ADAMTS12: variants seen among roughly 807,000 people sequenced by gnomAD.
The protein encoded by ADAMTS12 is ADAM metallopeptidase with thrombospondin type 1 motif 12, also known as A disintegrin and metalloproteinase with thrombospondin motifs 12.
A neutral mutation model predicts 167.8 loss-of-function variants in ADAMTS12; 118 were observed. The observed-to-expected ratio is 0.70, with a 90% CI of 0.61 to 0.82. ADAMTS12 has a LOEUF of 0.82. Among genes scored for constraint, ADAMTS12 ranks in the 40% least tolerant of loss-of-function variants. The pLI, the probability that ADAMTS12 is intolerant of heterozygous loss-of-function variation, is 0.00. For synonymous variants in ADAMTS12, 704 were observed against 716.9 expected, an observed-to-expected ratio of 0.98 and a Z score of 0.29; for missense variants, 1,916 against 1,998.8, an observed-to-expected ratio of 0.96 and a Z score of 0.79.
intron 2 of ADAMTS12, among the ~76,000 whole-genome samples, chr5:33,874,742 A>C (rs1308099577): frequency 6.6e-6 from 1 of 152,180 alleles, no homozygotes; most frequent in Non-Finnish European, 1.5e-5. Context: ...AATATTATTC[A>C]GCACTAAAAA....
At chr5:33,739,475 G>C (rs912031861) in intron 3 of ADAMTS12, among the ~76,000 whole-genome samples, 3 of 152,186 alleles carry the variant, frequency 2.0e-5, no homozygotes, top group Non-Finnish European at 4.4e-5. Context: ...ATGTGTATGT[G>C]CATGTGCATG....
At chr5:33,566,809 A>C (rs114059254) in intron 19 of ADAMTS12, among the ~76,000 whole-genome samples, 209 of 152,324 alleles carry the variant, frequency 1.4e-3, no homozygotes, top group Middle Eastern at 3.4e-3. Context: ...CTAGTTCTAG[A>C]CAACGGAATG....
At position 33,848,753 on chromosome 5, in the gene ADAMTS12, T is replaced by C. The variant is rs1392218230; in HGVS notation, c.489+32366A>G. On this transcript the variant is annotated intron_variant, in intron 2 of 23. Transcript: ENST00000504830. ...TTTGAGTGTCTATCACCTAGGGTGA[T>C]TGCAAGTATTAGCACTGAAAAAGAG... Among the ~76,000 whole-genome samples, 7 of 152,272 alleles carry C rather than the reference T, an allele frequency of 4.6e-5. No individual in the cohort carries two copies. The East Asian group carries it at 1.4e-3, about 29-fold the overall frequency.
chr5:33,660,397 C>T (rs1429799999), intron 6 of ADAMTS12, among the ~76,000 whole-genome samples: 1 of 152,150 alleles, frequency 6.6e-6, no homozygotes, highest in Non-Finnish European at 1.5e-5. Context: ...TAATAGTAGC[C>T]AACTACCAGT....
chr5:33,778,465 T>C (rs1247174177), intron 2 of ADAMTS12, among the ~76,000 whole-genome samples: 1 of 150,730 alleles, frequency 6.6e-6, no homozygotes, highest in African/African-American at 2.5e-5. Flanking sequence ...AGACTGGATA[T>C]GCACATTCAG....
At chr5:33,681,440 G>C (rs1742109046) in intron 5 of ADAMTS12, among the ~76,000 whole-genome samples, 1 of 152,172 alleles carries the variant, frequency 6.6e-6, no homozygotes, top group South Asian at 2.1e-4. Context: ...CAGTTGGCTG[G>C]TCCTACCATT....
intron 2 of ADAMTS12, among the ~76,000 whole-genome samples, chr5:33,803,019 T>C (rs1002137071): frequency 1.3e-5 from 2 of 152,064 alleles, no homozygotes; most frequent in Admixed American, 6.6e-5. Flanking sequence ...AATCAGCAAG[T>C]GTCACTGATA....
chr5:33,833,858 G>A (rs939962588), intron 2 of ADAMTS12, among the ~76,000 whole-genome samples: 4 of 152,142 alleles, frequency 2.6e-5, no homozygotes, highest in African/African-American at 7.2e-5. Context: ...ATAAAATGAT[G>A]TAAATTATTA....
At chr5:33,596,618 G>T (rs1482764627) in intron 16 of ADAMTS12, among the ~76,000 whole-genome samples, 2 of 152,156 alleles carry the variant, frequency 1.3e-5, no homozygotes, top group African/African-American at 4.8e-5. Flanking sequence ...GGAGGCGAAG[G>T]TTGCCGTGAG....
In ADAMTS12 at chr5:33,611,926, T is replaced by C. The variant is rs1187446499; in HGVS notation, c.2527+2312A>G. On this transcript the variant is annotated intron_variant, in intron 16 of 23. Transcript: ENST00000504830. Reference sequence around the variant, plus strand: ...AGAAAAGCAAAGTAGCAAAAGTGCATGTGTTAGAGTGGTGACAATTTTTCA... The same window carrying C: ...AGAAAAGCAAAGTAGCAAAAGTGCACGTGTTAGAGTGGTGACAATTTTTCA... Among the ~76,000 whole-genome samples the C allele has an allele frequency of 2.0e-5, 3 of 152,224 alleles. 1 individual carries two copies. Among genetic ancestry groups the C allele is most frequent in the South Asian group, 4.1e-4 (2 of 4,834 alleles).
chr5:33,785,128 A>G (rs899278931), intron 2 of ADAMTS12, among the ~76,000 whole-genome samples: 1 of 152,062 alleles, frequency 6.6e-6, no homozygotes, highest in African/African-American at 2.4e-5. Context: ...CATGAAAAAG[A>G]ATGATGATGG....
rs112155350 is a variant in ADAMTS12, at chr5:33,847,571, C to T, written c.489+33548G>A. Among the ~76,000 whole-genome samples the T allele has an allele frequency of 7.0e-3, 1,053 of 151,480 alleles. 3 individuals are homozygous for T. Among genetic ancestry groups the T allele is most frequent in the Non-Finnish European group, 0.011 (717 of 67,916 alleles). On this transcript the variant is annotated intron_variant, in intron 2 of 23. Transcript: ENST00000504830. Reference sequence around the variant, plus strand: ...CCGGGAGATGGAGATTGTGGTGAGCCGAGATCGCGCCATTGCACTCCAGCC... The same window carrying T: ...CCGGGAGATGGAGATTGTGGTGAGCTGAGATCGCGCCATTGCACTCCAGCC...
chr5:33,626,620 ACGG>A (rs1739633124), intron 13 of ADAMTS12, among the ~76,000 whole-genome samples: 1 of 103,576 alleles, frequency 9.7e-6, no homozygotes. Context: ...TGGTGAGGTG[ACGG>A]TGGTGGTGAT....
intron 2 of ADAMTS12, among the ~76,000 whole-genome samples, chr5:33,873,199 T>C (rs1378117278): frequency 6.7e-6 from 1 of 148,450 alleles, no homozygotes; most frequent in African/African-American, 2.5e-5. Context: ...CCTGAAACAA[T>C]TGTAGCAAGT....
At chr5:33,716,198 C>T (rs931490349) in intron 3 of ADAMTS12, among the ~76,000 whole-genome samples, 9 of 152,198 alleles carry the variant, frequency 5.9e-5, no homozygotes, top group African/African-American at 2.2e-4. Flanking sequence ...TTTGTGCCTT[C>T]TACCATGTGG....
chr5:33,539,713 CAAT>C (rs1274466997), intron 22 of ADAMTS12, among the ~76,000 whole-genome samples: 1 of 152,162 alleles, frequency 6.6e-6, no homozygotes, highest in Non-Finnish European at 1.5e-5. Flanking sequence ...TGAATATTTA[CAAT>C]GAGTATAGAT....
chr5:33,744,185 G>A (rs1000869362), intron 3 of ADAMTS12, among the ~76,000 whole-genome samples: 3 of 152,174 alleles, frequency 2.0e-5, no homozygotes, highest in Non-Finnish European at 4.4e-5. Flanking sequence ...AAAGACATAG[G>A]CAGATACTCA....
intron 14 of ADAMTS12, among the ~76,000 whole-genome samples, chr5:33,623,851 C>G (rs1470636229): frequency 6.6e-6 from 1 of 152,210 alleles, no homozygotes; most frequent in Non-Finnish European, 1.5e-5. Context: ...CGGCCAGCTT[C>G]TGATCTCTTC....
intron 5 of ADAMTS12, among the ~76,000 whole-genome samples, chr5:33,668,126 G>A (rs572489150): frequency 6.6e-6 from 1 of 152,126 alleles, no homozygotes; most frequent in Non-Finnish European, 1.5e-5. Context: ...AGTCGAAAAT[G>A]CAATGAATAC....
Sources: gnomAD v4.1 joint callset for allele counts (sites outside exome capture counted in the v4.1 genomes callset) on GRCh38, gnomAD v4.1.1 for gene constraint, MANE v1.5 for transcripts, NCBI Gene and HGNC (gene_info 2026-07-23, HGNC 2026-07-21) for gene names.